Variants in NEMP1 observed in about 807,000 individuals in gnomAD.
NEMP1 encodes transmembrane protein 194.
In NEMP1, 29 loss-of-function variants were observed where a neutral mutation model predicts 53.7. The observed-to-expected ratio is 0.54, with a 90% CI of 0.40 to 0.74. The LOEUF (loss-of-function observed/expected upper bound fraction) is 0.74. Ranked by LOEUF, NEMP1 falls within the 30% of genes least tolerant of loss-of-function variation. NEMP1 has a pLI of 0.00. For missense variants in NEMP1, 477 were observed against 528.6 expected, an observed-to-expected ratio of 0.90 and a Z score of 0.96; for synonymous variants, 193 against 192.9, an observed-to-expected ratio of 1.00 and a Z score of 0.00.
upstream of NEMP1, among the ~76,000 whole-genome samples, chr12:57,082,078 G>A (rs957129207): frequency 2.0e-5 from 3 of 150,712 alleles, no homozygotes; most frequent in African/African-American, 7.3e-5. Context: ...TTAGCTGGGC[G>A]TATGGCGGGC....
chr12:57,072,608 A>G (rs751458203), intron 2 of NEMP1, among the ~76,000 whole-genome samples, 180 bp downstream of exon 2: 3 of 152,198 alleles, frequency 2.0e-5, no homozygotes, highest in Non-Finnish European at 2.9e-5. Flanking sequence ...GCAGAGAGGA[A>G]TACAAAGTAG....
At position 57,057,003 on chromosome 12, in the gene NEMP1, T is replaced by C. The variant is rs79569673; in HGVS notation, c.*2876A>G. The C allele has an allele frequency of 2.0e-5, 3 of 152,324 alleles. No individual in the cohort carries two copies. Among genetic ancestry groups the C allele is most frequent in the East Asian group, 3.9e-4 (2 of 5,186 alleles). 9.4% of individuals were successfully genotyped at this position (152,324 alleles called of 1,614,324 possible). On this transcript the variant is annotated 3_prime_UTR_variant, in exon 9 of 9. Coordinates refer to ENST00000300128, the MANE Select transcript of NEMP1 (RefSeq NM_001130963.2). The stretch of plus-strand genomic sequence containing the variant: ...GCAGTGGCTAACAGGAATTACTTAT[T>C]AGAAGGTAATGAAGTTGCTAAATTT...
At chr12:57,064,300 C>T (rs2031968928) in intron 5 of NEMP1, 115 bp from the exon 6 acceptor site, 1 of 618,666 alleles carries the variant, frequency 1.6e-6, no homozygotes, top group South Asian at 2.2e-5. Flanking sequence ...TCAAAATGCA[C>T]AAAAAACACT....
chr12:57,082,218 A>AAAC (rs780660458), upstream of NEMP1, among the ~76,000 whole-genome samples: 8 of 152,054 alleles, frequency 5.3e-5, no homozygotes, highest in East Asian at 1.9e-4. Flanking sequence ...GACTCAGTCT[A>AAAC]AACAACAACA....
upstream of NEMP1, chr12:57,078,844 C>CA (rs548506600): frequency 2.0e-4 from 280 of 1,391,268 alleles, 2 homozygotes; most frequent in South Asian, 3.5e-3. Flanking sequence ...CCGCCCCTAT[C>CA]AACCAATGGG....
intron 1 of NEMP1, among the ~76,000 whole-genome samples, chr12:57,086,642 A>T (rs1365576468): frequency 6.6e-6 from 1 of 151,904 alleles, no homozygotes; most frequent in African/African-American, 2.4e-5. Flanking sequence ...CTTGTTCTCA[A>T]CGGAAGGGAG....
At chr12:57,075,366 C>T (rs937926058) in intron 1 of NEMP1, among the ~76,000 whole-genome samples, 28 of 148,218 alleles carry the variant, frequency 1.9e-4, no homozygotes, top group Non-Finnish European at 3.4e-4. Flanking sequence ...CCAGCCTGGG[C>T]GACAGAGCAA....
chr12:57,057,180 G>A lies in NEMP1; in HGVS notation c.*2699C>T, dbSNP rs147326879. 4 of 152,318 alleles carry A rather than the reference G, an allele frequency of 2.6e-5. No individual in the cohort carries two copies. In the East Asian group the frequency reaches 7.7e-4, roughly 29 times the overall value. 9.4% of individuals were successfully genotyped at this position (152,318 alleles called of 1,614,324 possible). A position where few individuals can be genotyped will look rare whatever the true frequency, so the allele number is the denominator to read the frequency against. ...CTCTACATAATTTGGTCAGACTGAT[G>A]AGAGGCAATAGATTTCCAATGCTGA... is the stretch of plus-strand genomic sequence containing the variant. On this transcript the variant is annotated 3_prime_UTR_variant, in exon 9 of 9. Transcript: ENST00000300128.
chr12:57,064,733 T>G lies in NEMP1; in HGVS notation c.552A>C (p.Gln184His). ...TCATCCCAGTAGAGTAGTAGAAAATTTGACTTCTGCAGGAAAAAAATGTAT... is the reference window on the plus strand; with the variant it reads ...TCATCCCAGTAGAGTAGTAGAAAATGTGACTTCTGCAGGAAAAAAATGTAT... Reference protein sequence around the residue: ...FFCGDLLSRSQIFYYSTGMTV... With the variant: ...FFCGDLLSRSHIFYYSTGMTV... Residue 184 changes from glutamine (Q) to histidine (H), a missense_variant, in exon 5 of 9, where the codon CAA (glutamine) becomes CAC (histidine). Transcript: ENST00000300128. 4 of 1,611,428 alleles carry G rather than the reference T, an allele frequency of 2.5e-6. No homozygotes were observed. The highest frequency in any genetic ancestry group is 3.4e-6 in the Non-Finnish European group (4 of 1,178,868).
upstream of NEMP1, among the ~76,000 whole-genome samples, chr12:57,079,222 T>G (rs1296965710): frequency 6.6e-6 from 1 of 152,188 alleles, no homozygotes; most frequent in Non-Finnish European, 1.5e-5. Context: ...AGGACCCTGA[T>G]AGGACGATTT....
At chr12:57,075,754 G>A (rs1307537588) in intron 1 of NEMP1, among the ~76,000 whole-genome samples, 1 of 151,608 alleles carries the variant, frequency 6.6e-6, no homozygotes, top group Non-Finnish European at 1.5e-5. Flanking sequence ...ATCATTTGAG[G>A]TCAGGAGTTT....
rs1461304402 is a variant in NEMP1, at chr12:57,055,795, A to T, written c.*4084T>A. On this transcript the variant is annotated 3_prime_UTR_variant, in exon 9 of 9. Coordinates refer to ENST00000300128, the MANE Select transcript of NEMP1 (RefSeq NM_001130963.2). Reference sequence around the variant, plus strand: ...CCTGATAATTTTGTTCCTTTCAAACATTCATGAACATTTAAATAAAATTAC... The same window carrying T: ...CCTGATAATTTTGTTCCTTTCAAACTTTCATGAACATTTAAATAAAATTAC... 3 of 152,224 alleles carry T rather than the reference A, an allele frequency of 2.0e-5. No homozygotes were observed. Among genetic ancestry groups the T allele is most frequent in the Non-Finnish European group, 2.9e-5 (2 of 68,044 alleles). The allele number at this position is 152,224 out of a possible 1,614,324, so 9.4% of individuals were successfully genotyped here.
chr12:57,061,793 T>C lies in NEMP1; in HGVS notation c.981-848A>G, dbSNP rs536190957. ...AGGTGGGCAGATCACAAGGTCAAGATTGAGACTATCCTGGCCAACATAGTG... is the reference window on the plus strand; with the variant it reads ...AGGTGGGCAGATCACAAGGTCAAGACTGAGACTATCCTGGCCAACATAGTG... On this transcript the variant is annotated intron_variant, in intron 7 of 8. Coordinates refer to ENST00000300128, the MANE Select transcript of NEMP1 (RefSeq NM_001130963.2). Among the ~76,000 whole-genome samples, 26 of 151,118 alleles carry C rather than the reference T, an allele frequency of 1.7e-4. No homozygotes were observed. The East Asian group carries it at 3.1e-3, about 18-fold the overall frequency.
upstream of NEMP1, among the ~76,000 whole-genome samples, chr12:57,080,421 A>C (rs1359865336): frequency 1.3e-5 from 2 of 151,994 alleles, no homozygotes; most frequent in Admixed American, 1.3e-4. Context: ...TCTACTAAAA[A>C]TACAAAAATT....
intron 1 of NEMP1, among the ~76,000 whole-genome samples, chr12:57,073,536 C>T (rs923319630): frequency 6.6e-6 from 1 of 151,898 alleles, no homozygotes; most frequent in Non-Finnish European, 1.5e-5. Context: ...CCCAGCTACT[C>T]GAGAGGCTGA....
upstream of NEMP1, among the ~76,000 whole-genome samples, chr12:57,083,018 AAAAT>A (rs1394063822): frequency 1.3e-5 from 2 of 152,170 alleles, no homozygotes; most frequent in Admixed American, 1.3e-4. Context: ...ACCCTGTCTC[AAAAT>A]AAATAAATAA....
At chr12:57,061,461 A>C (rs545458003) in intron 7 of NEMP1, among the ~76,000 whole-genome samples, 1 of 152,246 alleles carries the variant, frequency 6.6e-6, no homozygotes, top group Non-Finnish European at 1.5e-5. Flanking sequence ...TGGGAGGCCA[A>C]GGCAGGCAGA....
Position 57,077,158 on chromosome 12 carries a change from C to T in NEMP1, c.127+1461G>A, listed in dbSNP as rs11172094. Among the ~76,000 whole-genome samples, 381 of 151,628 alleles carry T rather than the reference C, an allele frequency of 2.5e-3. 1 individual carries two copies. The highest frequency in any genetic ancestry group is 0.014 in the Middle Eastern group (4 of 294). ...CCATCCTGGCTAACACGGTGAAACC[C>T]CCTCTCTACTAAAAATACAAAAAAT... On this transcript the variant is annotated intron_variant, in intron 1 of 8. Coordinates refer to ENST00000300128, the MANE Select transcript of NEMP1 (RefSeq NM_001130963.2).
At chr12:57,070,370 G>C (rs1252251936) in intron 3 of NEMP1, among the ~76,000 whole-genome samples, 1 of 152,224 alleles carries the variant, frequency 6.6e-6, no homozygotes, top group Non-Finnish European at 1.5e-5. Flanking sequence ...TTTACTCTAA[G>C]AGTATTTGGC....
Sources: allele counts gnomAD v4.1 joint callset (sites outside exome capture counted in the v4.1 genomes callset), GRCh38; gene constraint gnomAD v4.1.1; transcripts MANE v1.5; gene names NCBI Gene and HGNC (gene_info 2026-07-23, HGNC 2026-07-21).